The following MYO9A variants were observed in gnomAD, a reference collection of about 807,000 sequenced individuals.
MYO9A encodes the protein myosin IXA.
Under a neutral mutation model 293.3 loss-of-function variants are expected in MYO9A, and 103 were observed. The observed-to-expected ratio is 0.35, with a 90% CI of 0.30 to 0.41. The LOEUF (loss-of-function observed/expected upper bound fraction) is 0.41, where lower values mean the gene tolerates loss of function less well. MYO9A is among the 10% of genes least tolerant of loss of function. The pLI, the probability that MYO9A is intolerant of heterozygous loss-of-function variation, is 1.00. For missense variants in MYO9A, 2,685 were observed against 3,033.0 expected, an observed-to-expected ratio of 0.89 and a Z score of 2.69; for synonymous variants, 1,001 against 1,035.7, an observed-to-expected ratio of 0.97 and a Z score of 0.64.
intron 19 of MYO9A, among the ~76,000 whole-genome samples, chr15:71,913,312 CTTT>C (rs1193824205): frequency 6.6e-6 from 1 of 151,926 alleles, no homozygotes; most frequent in Non-Finnish European, 1.5e-5. Context: ...CCATTTGAGT[CTTT>C]TTCATATCTT....
chr15:71,964,617 TAAA>T (rs36017249), intron 13 of MYO9A, among the ~76,000 whole-genome samples: 1 of 123,930 alleles, frequency 8.1e-6, no homozygotes, highest in East Asian at 2.3e-4. Context: ...CCATCTCTAC[TAAA>T]AAAAAAAAAA....
In MYO9A at chr15:71,860,969, C is replaced by CAAAAAAAAAAAAAAA. The variant is rs61030744; in HGVS notation, c.6092-1188_6092-1174dup. ...GCAACAAAGTTAGACTCCATCTCAC[C>CAAAAAAAAAAAAAAA]AAAAAAAAAAAAAAAAAAAAAAAAA... On this transcript the variant is annotated intron_variant, in intron 33 of 41. Transcript: ENST00000356056. 1.9e-3 allele frequency among the ~76,000 whole-genome samples: 60 copies of CAAAAAAAAAAAAAAA among 32,406 alleles called. 1 individual carries two copies. Among genetic ancestry groups the CAAAAAAAAAAAAAAA allele is most frequent in the East Asian group, 0.015 (15 of 998 alleles). The allele number at this position is 32,406 out of a possible 152,430, so 21.3% of individuals were successfully genotyped here.
chr15:71,854,650 CT>C, intron 34 of MYO9A, 81 bp from the exon 35 acceptor site: 1 of 1,151,972 alleles, frequency 8.7e-7, no homozygotes. Context: ...CCAGGAGCTA[CT>C]TTTTTATTTC....
intron 1 of MYO9A, among the ~76,000 whole-genome samples, chr15:72,055,814 G>C (rs1320218230): frequency 6.6e-6 from 1 of 152,114 alleles, no homozygotes; most frequent in East Asian, 1.9e-4. Context: ...AAAAATAATA[G>C]ATGCTGGCAG....
At chr15:71,841,463 G>T (rs563005416) in intron 39 of MYO9A, among the ~76,000 whole-genome samples, 1 of 152,080 alleles carries the variant, frequency 6.6e-6, no homozygotes, top group South Asian at 2.1e-4. Flanking sequence ...ATATCTATGA[G>T]GATAATACGA....
chr15:71,902,091 C>G (rs2057502683), intron 22 of MYO9A, among the ~76,000 whole-genome samples: 1 of 151,898 alleles, frequency 6.6e-6, no homozygotes, highest in Non-Finnish European at 1.5e-5. Flanking sequence ...ATATTATATA[C>G]CCGAAGAGGA....
At chr15:71,954,677 T>A (rs1356013481) in intron 14 of MYO9A, among the ~76,000 whole-genome samples, 1 of 152,224 alleles carries the variant, frequency 6.6e-6, no homozygotes, top group Non-Finnish European at 1.5e-5. Flanking sequence ...TAAAGGTAAC[T>A]TCTTTTTAAC....
Position 71,823,274 on chromosome 15 carries a change from C to A in MYO9A, c.*3306G>T, listed in dbSNP as rs764643998. ...CAGGCACTGAGGTGGGACTACAGAA[C>A]CTTGCTGGACCACATCTTTTCAGCA... is the stretch of plus-strand genomic sequence containing the variant. On this transcript the variant is annotated 3_prime_UTR_variant, in exon 42 of 42. Transcript: ENST00000356056. The A allele has an allele frequency of 6.6e-6, 1 of 152,210 alleles. No individual in the cohort carries two copies. The highest frequency in any genetic ancestry group is 2.1e-4 in the South Asian group (1 of 4,826). 9.4% of individuals were successfully genotyped at this position (152,210 alleles called of 1,614,324 possible).
rs757691152 is a variant in MYO9A, at chr15:71,862,493, T to C, written c.6091+7A>G. 4 of 1,565,682 alleles carry C rather than the reference T, an allele frequency of 2.6e-6. No homozygotes were observed. Among genetic ancestry groups the C allele is most frequent in the South Asian group, 1.1e-5 (1 of 89,894 alleles). The stretch of plus-strand genomic sequence containing the variant: ...AAAAATATTCCTCAAAGATCTCTCA[T>C]ACTTACATTTGCAAACAGAGGCTCG... On this transcript the variant is annotated splice_region_variant and intron_variant, in intron 33 of 41. Coordinates refer to ENST00000356056, the MANE Select transcript of MYO9A (RefSeq NM_006901.4).
intron 1 of MYO9A, among the ~76,000 whole-genome samples, chr15:72,073,463 T>C (rs544501614): frequency 6.6e-6 from 1 of 152,210 alleles, no homozygotes; most frequent in Non-Finnish European, 1.5e-5. Context: ...ATAACTCTTA[T>C]TCACATCTCA....
chr15:71,951,905 GCAAAAAAAAACAAA>G lies in MYO9A; in HGVS notation c.2183-23_2183-10del. 2 of 1,511,848 alleles carry G rather than the reference GCAAAAAAAAACAAA, an allele frequency of 1.3e-6. No individual in the cohort carries two copies. The highest frequency in any genetic ancestry group is 1.8e-6 in the Non-Finnish European group (2 of 1,135,166). 93.7% of individuals were successfully genotyped at this position (1,511,848 alleles called of 1,614,324 possible). A position where few individuals can be genotyped will look rare whatever the true frequency, so the allele number is the denominator to read the frequency against. Reference sequence around the variant, plus strand: ...CGCTGTATCATCATGTCCTTAGGAAGCAAAAAAAAACAAACAAAAAAAAAAGGAGAAAAGAAAAA... The same window carrying G: ...CGCTGTATCATCATGTCCTTAGGAAGCAAAAAAAAAAGGAGAAAAGAAAAA... On this transcript the variant is annotated splice_polypyrimidine_tract_variant and intron_variant, in intron 14 of 41. Transcript: ENST00000356056.
intron 11 of MYO9A, among the ~76,000 whole-genome samples, chr15:71,979,817 T>C (rs1348170882): frequency 6.6e-6 from 1 of 152,186 alleles, no homozygotes; most frequent in African/African-American, 2.4e-5. Context: ...AACGGCTTGT[T>C]AAAAAACAAG....
At chr15:72,114,058 G>A (rs2080878541) in intron 1 of MYO9A, among the ~76,000 whole-genome samples, 1 of 152,170 alleles carries the variant, frequency 6.6e-6, no homozygotes, top group Non-Finnish European at 1.5e-5. Context: ...ATGGAGCACT[G>A]GAGTGGGGTC....
chr15:71,826,981 G>C lies in MYO9A; in HGVS notation c.7246C>G (p.Arg2416Gly), dbSNP rs148998005. The change falls in exon 42 of 42, where the codon CGA becomes GGA. Residue 2416 changes from arginine (R) to glycine (G), a missense_variant. By Grantham distance (125) the Arg-to-Gly change is moderately radical. Around this residue, in one of 10 missense-constraint regions of MYO9A, gnomAD observed 350 missense variants for 328.9 expected, o/e 1.06. Coordinates refer to ENST00000356056, the MANE Select transcript of MYO9A (RefSeq NM_006901.4). Reference protein sequence around the residue: ...AGKSEPSSKLRKQLKKQQDSL... With the variant: ...AGKSEPSSKLGKQLKKQQDSL... ...TCTTGCTGCTTTTTAAGTTGCTTTC[G>C]CAACTTGCTGGAAGGTTCAGACTTG... 16 of 1,613,064 alleles carry C rather than the reference G, an allele frequency of 9.9e-6. No homozygotes were observed. The highest frequency in any genetic ancestry group is 1.7e-5 in the Admixed American group (1 of 59,848).
At chr15:71,982,541 T>C (rs1353114783) in intron 11 of MYO9A, among the ~76,000 whole-genome samples, 1 of 152,224 alleles carries the variant, frequency 6.6e-6, no homozygotes, top group Non-Finnish European at 1.5e-5. Context: ...GTTCTATGCA[T>C]ATCAGTTATA....
At chr15:71,992,883 C>T (rs1474897899) in intron 10 of MYO9A, among the ~76,000 whole-genome samples, 1 of 151,450 alleles carries the variant, frequency 6.6e-6, no homozygotes, top group Non-Finnish European at 1.5e-5. Flanking sequence ...AATACATATA[C>T]AAAATGCAAA....
At chr15:71,956,395 T>C (rs2059193551) in intron 14 of MYO9A, among the ~76,000 whole-genome samples, 1 of 141,774 alleles carries the variant, frequency 7.1e-6, no homozygotes, top group East Asian at 2.1e-4. Context: ...TCCCAGAACT[T>C]TGGGAGGCCG....
chr15:72,004,818 C>A (rs557584199), intron 8 of MYO9A, among the ~76,000 whole-genome samples: 1 of 151,922 alleles, frequency 6.6e-6, no homozygotes, highest in Admixed American at 6.6e-5. Flanking sequence ...CAGGTAACTA[C>A]AAAAAAATAA....
chr15:71,958,288 T>C (rs1309934928), intron 14 of MYO9A, among the ~76,000 whole-genome samples: 2 of 152,134 alleles, frequency 1.3e-5, no homozygotes, highest in Non-Finnish European at 2.9e-5. Flanking sequence ...ATTTAAACCA[T>C]TTTTACAATC....
Sources: gnomAD v4.1 joint callset for allele counts (sites outside exome capture counted in the v4.1 genomes callset) on GRCh38, gnomAD v4.1.1 for gene constraint, gnomAD v4.1.1 regional missense constraint, MANE v1.5 for transcripts, NCBI Gene and HGNC (gene_info 2026-07-23, HGNC 2026-07-21) for gene names.